Variants in CYLD observed in about 807,000 individuals in gnomAD.
CYLD encodes ubiquitin carboxyl-terminal hydrolase CYLD.
CYLD carries 26 observed loss-of-function variants against 104.5 expected under a neutral mutation model. The observed-to-expected ratio is 0.25, with a 90% CI of 0.18 to 0.35. The LOEUF (loss-of-function observed/expected upper bound fraction) is 0.35, where lower values mean the gene tolerates loss of function less well. Among genes scored for constraint, CYLD ranks in the 10% least tolerant of loss-of-function variants. CYLD has a pLI of 1.00. For missense variants in CYLD, 703 were observed against 1,136.1 expected (o/e 0.62, Z 5.48); for synonymous variants, 385 against 399.9 (o/e 0.96, Z 0.45).
At chr16:50,743,347 G>A (rs1965884695) in intron 2 of CYLD, among the ~76,000 whole-genome samples, 1 of 152,192 alleles carries the variant, frequency 6.6e-6, no homozygotes, top group Non-Finnish European at 1.5e-5. Context: ...CCACTGAGCA[G>A]TAGGTGGATT....
chr16:50,786,996 C>T (rs13338860), intron 13 of CYLD, 50 bp downstream of exon 13: 1 of 1,414,316 alleles, frequency 7.1e-7, no homozygotes, highest in Middle Eastern at 1.8e-4. Flanking sequence ...AGCATATTCA[C>T]ATGTCAAAGT....
chr16:50,758,357 C>T (rs4785450), intron 5 of CYLD, among the ~76,000 whole-genome samples: 50,379 of 151,964 alleles, frequency 0.33, 9,044 homozygotes, highest in Non-Finnish European at 0.4. Context: ...TTGTAGGAGC[C>T]GCAGTGGGAG....
At chr16:50,757,550 T>G (rs1967392932) in intron 5 of CYLD, among the ~76,000 whole-genome samples, 1 of 152,142 alleles carries the variant, frequency 6.6e-6, no homozygotes, top group South Asian at 2.1e-4. Flanking sequence ...ATGATTTTTT[T>G]TTTTGAGACG....
chr16:50,762,287 A>C (rs1236771501), intron 5 of CYLD, among the ~76,000 whole-genome samples: 1 of 151,862 alleles, frequency 6.6e-6, no homozygotes. Context: ...CCTGTTCTAT[A>C]CTGTTTTCAA....
chr16:50,796,874 C>A lies in CYLD; in HGVS notation c.*366C>A. On this transcript the variant is annotated 3_prime_UTR_variant, in exon 19 of 19. Coordinates refer to ENST00000427738, the MANE Select transcript of CYLD (RefSeq NM_001378743.1). Reference sequence around the variant, plus strand: ...TTGAGAATGTAAATAAATGTGTCTTCTTTATGGACCAAGGATATGAAATCA... The same window carrying A: ...TTGAGAATGTAAATAAATGTGTCTTATTTATGGACCAAGGATATGAAATCA... The A allele has an allele frequency of 2.8e-6, 1 of 350,976 alleles. No individual in the cohort carries two copies. The highest frequency in any genetic ancestry group is 5.4e-6 in the Non-Finnish European group (1 of 186,756). 21.7% of individuals were successfully genotyped at this position (350,976 alleles called of 1,614,324 possible).
chr16:50,756,770 TAAC>T (rs755036676), intron 5 of CYLD, among the ~76,000 whole-genome samples: 1 of 152,208 alleles, frequency 6.6e-6, no homozygotes, highest in Non-Finnish European at 1.5e-5. Context: ...TTTACATTCT[TAAC>T]AAACTTATAA....
chr16:50,759,345 A>T (rs1002348794), intron 5 of CYLD, among the ~76,000 whole-genome samples: 1 of 152,230 alleles, frequency 6.6e-6, no homozygotes, highest in Admixed American at 6.5e-5. Context: ...CTAGGTTAAG[A>T]AACAGAACAT....
chr16:50,779,539 G>T, intron 8 of CYLD, 126 bp from the exon 9 acceptor site: 1 of 821,656 alleles, frequency 1.2e-6, no homozygotes. Flanking sequence ...TGATGCCTAT[G>T]AGAGTACTAT....
rs1971822364 is a variant in CYLD, at chr16:50,794,740, C to T, written c.2686+312C>T. 7.5e-6 allele frequency: 3 copies of T among 398,598 alleles called. No individual in the cohort carries two copies. In the East Asian group the frequency reaches 1.8e-4, roughly 24 times the overall value. 24.7% of individuals were successfully genotyped at this position (398,598 alleles called of 1,614,324 possible). On this transcript the variant is annotated intron_variant, in intron 18 of 18. Transcript: ENST00000427738. This position sits in a 1 kb window ranked among gnomAD's most constrained non-coding sequence, Gnocchi z 4.1. ...GGTTCAAGCAATCCTCCCACCTCAGCCTCCTGAGTAGCTGGGACTACACGC... is the reference window on the plus strand; with the variant it reads ...GGTTCAAGCAATCCTCCCACCTCAGTCTCCTGAGTAGCTGGGACTACACGC...
In CYLD at chr16:50,780,192, C is replaced by T. The variant is rs868218999; in HGVS notation, c.1518+148C>T. On this transcript the variant is annotated intron_variant, in intron 9 of 18. Transcript: ENST00000427738. Reference sequence around the variant, plus strand: ...ATTTTCTCACCATGTTTTCTGACTTCCCTTTGCCGCCCCTGAAGCTTGCGA... The same window carrying T: ...ATTTTCTCACCATGTTTTCTGACTTTCCTTTGCCGCCCCTGAAGCTTGCGA... The T allele has an allele frequency of 4.8e-5, 45 of 945,870 alleles. No homozygotes were observed. In the African/African-American group the frequency reaches 7.1e-4, roughly 15 times the overall value. 58.6% of individuals were successfully genotyped at this position (945,870 alleles called of 1,614,324 possible).
At position 50,794,632 on chromosome 16, in the gene CYLD, C is replaced by CT. The variant is rs1971807281; in HGVS notation, c.2686+210dup. The CT allele has an allele frequency of 3.5e-6, 2 of 569,220 alleles. No homozygotes were observed. Among genetic ancestry groups the CT allele is most frequent in the Admixed American group, 2.9e-5 (1 of 34,516 alleles). 35.3% of individuals were successfully genotyped at this position (569,220 alleles called of 1,614,324 possible). A position where few individuals can be genotyped will look rare whatever the true frequency, so the allele number is the denominator to read the frequency against. The stretch of plus-strand genomic sequence containing the variant: ...ATAATATGCTGTGTTTTTTTTTTTC[C>CT]TTTTTTGAGATGGAGTCTCACTCTG... On this transcript the variant is annotated intron_variant, in intron 18 of 18. Coordinates refer to ENST00000427738, the MANE Select transcript of CYLD (RefSeq NM_001378743.1). This position sits in a 1 kb window ranked among gnomAD's most constrained non-coding sequence, Gnocchi z 4.1.
intron 18 of CYLD, chr16:50,795,598 G>A: frequency 4.3e-6 from 3 of 702,942 alleles, no homozygotes; most frequent in Non-Finnish European, 7.8e-6. Context: ...CCCTCCAGTA[G>A]CCTAAGACAT....
intron 14 of CYLD, among the ~76,000 whole-genome samples, chr16:50,790,640 T>G (rs563063088): frequency 2.0e-5 from 3 of 152,158 alleles, no homozygotes; most frequent in African/African-American, 7.2e-5. Context: ...CAATTAAATT[T>G]TGTTTATTTG....
At chr16:50,755,008 T>G in intron 5 of CYLD, among the ~76,000 whole-genome samples, 1 of 11,920 alleles carries the variant, frequency 8.4e-5, no homozygotes, top group African/African-American at 4.8e-4. Flanking sequence ...TATATATACA[T>G]ATATATGTAT....
At chr16:50,791,888 T>C (rs1290989255) in intron 15 of CYLD, among the ~76,000 whole-genome samples, 198 bp downstream of exon 15, 1 of 152,216 alleles carries the variant, frequency 6.6e-6, no homozygotes, top group African/African-American at 2.4e-5. Context: ...GATTGAATTT[T>C]TTGGATTTCT....
chr16:50,752,249 A>T (rs1410123328), intron 4 of CYLD, among the ~76,000 whole-genome samples: 2 of 143,006 alleles, frequency 1.4e-5, no homozygotes, highest in Non-Finnish European at 3.1e-5. Context: ...GCCTTATTGT[A>T]GCTGACCAGT....
intron 2 of CYLD, among the ~76,000 whole-genome samples, chr16:50,744,054 G>A (rs182341052): frequency 6.6e-6 from 1 of 152,206 alleles, no homozygotes; most frequent in East Asian, 1.9e-4. Flanking sequence ...CCAGGCTCTC[G>A]TGTGGGCACT....
chr16:50,797,609 C>T lies in CYLD; in HGVS notation c.*1101C>T, dbSNP rs1018171015. The T allele has an allele frequency of 3.9e-5, 9 of 232,496 alleles. 1 individual carries two copies. Among genetic ancestry groups the T allele is most frequent in the Admixed American group, 5.6e-5 (1 of 17,752 alleles). The allele number at this position is 232,496 out of a possible 1,614,324, so 14.4% of individuals were successfully genotyped here. ...GCCATAGTGTGTGTTTAGACCACAG[C>T]GGATGTTGTAGACCAGGACCATAGA... On this transcript the variant is annotated 3_prime_UTR_variant, in exon 19 of 19. Coordinates refer to ENST00000427738, the MANE Select transcript of CYLD (RefSeq NM_001378743.1).
intron 14 of CYLD, among the ~76,000 whole-genome samples, chr16:50,789,333 A>G (rs770088568): frequency 6.6e-6 from 1 of 152,248 alleles, no homozygotes; most frequent in African/African-American, 2.4e-5. Context: ...TTTTCATTTT[A>G]AAGAGATAAA....
Sources: gnomAD v4.1 joint callset for allele counts (sites outside exome capture counted in the v4.1 genomes callset) on GRCh38, gnomAD v4.1.1 for gene constraint, Gnocchi (gnomAD v3.1) non-coding constraint, MANE v1.5 for transcripts, NCBI Gene and HGNC (gene_info 2026-07-23, HGNC 2026-07-21) for gene names.